Variants in FAM227A observed in about 807,000 individuals in gnomAD.
FAM227A encodes protein FAM227A.
In FAM227A, 80 loss-of-function variants were observed where a neutral mutation model predicts 74.7. The ratio of observed to expected loss-of-function variants is 1.07; its 90% confidence interval spans 0.89 to 1.29. The LOEUF (loss-of-function observed/expected upper bound fraction) is 1.29, where lower values mean the gene tolerates loss of function less well. FAM227A is among the 50% of genes most tolerant of loss of function. The pLI, the probability that FAM227A is intolerant of heterozygous loss-of-function variation, is 0.00. For missense variants in FAM227A, 654 were observed against 683.4 expected (o/e 0.96, Z 0.48); for synonymous variants, 237 against 241.8 (o/e 0.98, Z 0.19).
In FAM227A at chr22:38,620,291, C is replaced by T. The variant is rs1250130591; in HGVS notation, c.959G>A (p.Gly320Glu). 1.9e-6 allele frequency: 3 copies of T among 1,549,594 alleles called. No individual in the cohort carries two copies. Among genetic ancestry groups the T allele is most frequent in the Admixed American group, 2.0e-5 (1 of 50,978 alleles). ...ACCAGCAAACAAAGAAAACTCTCTC[C>T]CTATAGAAGGGGAAAAGCTGTTATT... is the stretch of plus-strand genomic sequence containing the variant. ...LMLYRRRLTK[G>E]REFSLFAGKR... The change falls in exon 11 of 17, where the codon GGG (glycine) becomes GAG (glutamate). Residue 320 changes from glycine to glutamate, a missense_variant and splice_region_variant. Coordinates refer to ENST00000535113, the MANE Select transcript of FAM227A (RefSeq NM_001013647.2).
chr22:38,649,565 C>CA (rs1163806396), intron 2 of FAM227A, among the ~76,000 whole-genome samples: 2,997 of 129,588 alleles, frequency 0.023, 88 homozygotes, highest in African/African-American at 0.07. Context: ...GACTCTGTCT[C>CA]AAAAAAAAAA....
intron 16 of FAM227A, among the ~76,000 whole-genome samples, chr22:38,590,794 C>CT (rs990326521): frequency 4.6e-5 from 7 of 151,426 alleles, no homozygotes; most frequent in South Asian, 2.1e-4. Flanking sequence ...AGTAAGTGAA[C>CT]TTTTTTTTTG....
chr22:38,651,486 G>A (rs1304100007), intron 1 of FAM227A, among the ~76,000 whole-genome samples: 3 of 151,990 alleles, frequency 2.0e-5, no homozygotes, highest in African/African-American at 4.8e-5. Context: ...CAAGCCTCCC[G>A]TGTAGCTGCG....
intron 3 of FAM227A, among the ~76,000 whole-genome samples, chr22:38,642,077 C>A (rs2092129560): frequency 1.3e-5 from 2 of 152,130 alleles, no homozygotes; most frequent in Non-Finnish European, 2.9e-5. Context: ...CATTTCAGGT[C>A]CACATGTAAG....
Position 38,652,291 on chromosome 22 carries a change from AAC to A in FAM227A, c.-94-2031_-94-2030del, listed in dbSNP as rs577886356. The stretch of plus-strand genomic sequence containing the variant: ...AAGTTAATATATTTGAGCATATAAA[AAC>A]AACGCTGACTTTAGGCCAGGCGCAG... On this transcript the variant is annotated intron_variant, in intron 1 of 16. Transcript: ENST00000535113. Among the ~76,000 whole-genome samples the A allele has an allele frequency of 8.7e-4, 132 of 152,020 alleles. 1 individual carries two copies. The highest frequency in any genetic ancestry group is 1.4e-3 in the Non-Finnish European group (93 of 67,960).
chr22:38,600,332 A>G (rs1367587174), intron 13 of FAM227A, among the ~76,000 whole-genome samples: 1 of 150,950 alleles, frequency 6.6e-6, no homozygotes, highest in African/African-American at 2.4e-5. Context: ...ATATATATAT[A>G]TAATTTTATT....
Position 38,608,561 on chromosome 22 carries a change from G to C in FAM227A, c.1039-1085C>G, listed in dbSNP as rs537631934. Among the ~76,000 whole-genome samples the C allele has an allele frequency of 3.9e-5, 6 of 151,946 alleles. No individual in the cohort carries two copies. In the South Asian group the frequency reaches 1.0e-3, roughly 26 times the overall value. ...TTCTCTTACCTCAGCCTCCCGAGTAGCTAGGATTACAGGTGTCCGCCACCA... is the reference window on the plus strand; with the variant it reads ...TTCTCTTACCTCAGCCTCCCGAGTACCTAGGATTACAGGTGTCCGCCACCA... On this transcript the variant is annotated intron_variant, in intron 11 of 16. Transcript: ENST00000535113.
At chr22:38,645,878 G>T (rs2145717789) in intron 2 of FAM227A, among the ~76,000 whole-genome samples, 1 of 152,134 alleles carries the variant, frequency 6.6e-6, no homozygotes, top group African/African-American at 2.4e-5. Context: ...AGACCTCCCG[G>T]GCTCAATCGA....
At chr22:38,641,975 G>GCA (rs1555973177) in intron 3 of FAM227A, among the ~76,000 whole-genome samples, 1 of 95,588 alleles carries the variant, frequency 1.0e-5, no homozygotes, top group South Asian at 3.7e-4. Flanking sequence ...GTGTGTGTGT[G>GCA]CGCACGTGTG....
At chr22:38,597,590 C>T (rs1051580998) in intron 14 of FAM227A, among the ~76,000 whole-genome samples, 9 of 152,106 alleles carry the variant, frequency 5.9e-5, no homozygotes, top group Admixed American at 1.3e-4. Context: ...GCGTTCTCTA[C>T]GTAGGAATAA....
intron 1 of FAM227A, among the ~76,000 whole-genome samples, chr22:38,651,559 A>C (rs1432550267): frequency 6.6e-6 from 1 of 151,852 alleles, no homozygotes; most frequent in Non-Finnish European, 1.5e-5. Flanking sequence ...ATGGGGTTTC[A>C]CCATTTTGGC....
intron 3 of FAM227A, among the ~76,000 whole-genome samples, chr22:38,640,945 G>T (rs2092102217): frequency 6.6e-6 from 1 of 152,112 alleles, no homozygotes; most frequent in Non-Finnish European, 1.5e-5. Flanking sequence ...GGTCACAGGG[G>T]TTAGTCTATG....
At chr22:38,594,933 C>G (rs1053824468) in intron 15 of FAM227A, among the ~76,000 whole-genome samples, 1 of 152,032 alleles carries the variant, frequency 6.6e-6, no homozygotes, top group African/African-American at 2.4e-5. Context: ...CCTGTCTCTA[C>G]TAAAAATACA....
At chr22:38,597,985 G>A (rs1342714519) in intron 14 of FAM227A, among the ~76,000 whole-genome samples, 1 of 146,322 alleles carries the variant, frequency 6.8e-6, no homozygotes, top group Non-Finnish European at 1.5e-5. Flanking sequence ...GGAAGTTGCG[G>A]TGAGCCGAAA....
At chr22:38,605,428 T>TA in intron 12 of FAM227A, 80 bp from the exon 13 acceptor site, 1 of 797,188 alleles carries the variant, frequency 1.3e-6, no homozygotes. Context: ...TAGCTGGAAT[T>TA]ACAGGTGTGT....
intron 9 of FAM227A, 49 bp from the exon 10 acceptor site, chr22:38,623,328 G>A (rs751009881): frequency 3.0e-5 from 39 of 1,286,178 alleles, no homozygotes; most frequent in East Asian, 7.6e-5. Context: ...GGTGGATCAC[G>A]CCTGTAATCC....
At chr22:38,600,335 ATTTTAT>A (rs983939112) in intron 13 of FAM227A, among the ~76,000 whole-genome samples, 13 of 143,120 alleles carry the variant, frequency 9.1e-5, no homozygotes, top group Non-Finnish European at 1.5e-4. Flanking sequence ...TATATATATA[ATTTTAT>A]TTTATTTTTG....
At chr22:38,618,822 C>T (rs868474401) in intron 11 of FAM227A, among the ~76,000 whole-genome samples, 4 of 152,134 alleles carry the variant, frequency 2.6e-5, no homozygotes, top group Admixed American at 6.6e-5. Flanking sequence ...CTCAACTCTG[C>T]TGTTTCAGTG....
chr22:38,623,091 T>G, intron 10 of FAM227A, 81 bp downstream of exon 10: 1 of 989,314 alleles, frequency 1.0e-6, no homozygotes, highest in Non-Finnish European at 1.5e-6. Flanking sequence ...ACATCAATGC[T>G]AAGGCCTCTC....
Sources: gnomAD v4.1 joint callset for allele counts (sites outside exome capture counted in the v4.1 genomes callset) on GRCh38, gnomAD v4.1.1 for gene constraint, MANE v1.5 for transcripts, NCBI Gene and HGNC (gene_info 2026-07-23, HGNC 2026-07-21) for gene names.